Variants in GALNT18 observed in about 807,000 individuals in gnomAD.
The protein encoded by GALNT18 is GalNAc-transferase 18.
Under a neutral mutation model 69.5 loss-of-function variants are expected in GALNT18, and 44 were observed. That is an observed-to-expected ratio of 0.63 (90% CI 0.50 to 0.81). The LOEUF is 0.81. Ranked by LOEUF, GALNT18 falls within the 40% of genes least tolerant of loss-of-function variation. GALNT18 has a pLI of 0.00. For synonymous variants in GALNT18, 364 were observed against 318.2 expected (o/e 1.14, Z -1.53); for missense variants, 715 against 810.0 (o/e 0.88, Z 1.42).
At chr11:11,539,440 C>G (rs1857860161) in intron 1 of GALNT18, among the ~76,000 whole-genome samples, 1 of 152,218 alleles carries the variant, frequency 6.6e-6, no homozygotes, top group Non-Finnish European at 1.5e-5. Flanking sequence ...CCTGGCCACC[C>G]TTCCAGAGAG....
At chr11:11,313,899 A>G (rs919990067) in intron 9 of GALNT18, among the ~76,000 whole-genome samples, 39 of 152,194 alleles carry the variant, frequency 2.6e-4, no homozygotes, top group South Asian at 2.1e-4. Flanking sequence ...TTTAATAATC[A>G]TGAATGTTTG....
rs1856945682 is a variant in GALNT18 at position 11,500,157 on chromosome 11, A to C, written c.236-51221T>G. Among the ~76,000 whole-genome samples the C allele has an allele frequency of 6.6e-6, 1 of 152,190 alleles. No individual in the cohort carries two copies. The highest frequency in any genetic ancestry group is 6.5e-5 in the Admixed American group (1 of 15,276). On this transcript the variant is annotated intron_variant, in intron 1 of 10. Transcript: ENST00000227756. The surrounding 1 kb of genome is among the most constrained non-coding windows in gnomAD (Gnocchi z 5.0). Reference sequence around the variant, plus strand: ...GACTTAATTAGCAACCTCAAATAGGATCTCAAAGCAAGTGATAAGGAAATA... The same window carrying C: ...GACTTAATTAGCAACCTCAAATAGGCTCTCAAAGCAAGTGATAAGGAAATA...
chr11:11,327,043 T>C, intron 9 of GALNT18, 43 bp downstream of exon 9: 1 of 1,380,326 alleles, frequency 7.2e-7, no homozygotes, highest in Non-Finnish European at 1.0e-6. Flanking sequence ...TGCCAGGCAC[T>C]CATATGCACA....
At chr11:11,569,987 G>A (rs138157605) in intron 1 of GALNT18, 3 of 152,214 alleles carry the variant, frequency 2.0e-5, no homozygotes, top group African/African-American at 7.2e-5. Flanking sequence ...GTGAGGGAGT[G>A]TGGCTTGGAC....
chr11:11,371,099 A>G (rs979120650), intron 6 of GALNT18, among the ~76,000 whole-genome samples: 3 of 152,212 alleles, frequency 2.0e-5, no homozygotes, highest in Admixed American at 2.0e-4. Flanking sequence ...TCAGGGTTTC[A>G]ATGAATACAG....
rs145802485 is a variant in GALNT18, at chr11:11,496,805, A to G, written c.236-47869T>C. The stretch of plus-strand genomic sequence containing the variant: ...CCCCCTCCATTTCTGGGTCTCTCCA[A>G]TGGCCTCCCACCTAATCAACCACTT... On this transcript the variant is annotated intron_variant, in intron 1 of 10. Coordinates refer to ENST00000227756, the MANE Select transcript of GALNT18 (RefSeq NM_198516.3). The surrounding 1 kb of genome is among the most constrained non-coding windows in gnomAD (Gnocchi z 4.0). 6.2e-3 allele frequency among the ~76,000 whole-genome samples: 948 copies of G among 152,176 alleles called. 2 individuals carry two copies. Among genetic ancestry groups the G allele is most frequent in the Non-Finnish European group, 9.7e-3 (660 of 67,998 alleles).
chr11:11,343,631 A>G (rs1187366768), intron 6 of GALNT18, among the ~76,000 whole-genome samples: 1 of 152,222 alleles, frequency 6.6e-6, no homozygotes, highest in Non-Finnish European at 1.5e-5. Flanking sequence ...CACTTTGCTC[A>G]GGTTCTCTAT....
chr11:11,571,335 G>A (rs536711659), intron 1 of GALNT18, among the ~76,000 whole-genome samples: 1 of 152,218 alleles, frequency 6.6e-6, no homozygotes, highest in African/African-American at 2.4e-5. Flanking sequence ...ACTTTGTGTG[G>A]TGGAAACAGA....
rs1011149499 is a variant in GALNT18, at chr11:11,337,481, C to T, written c.1278+3338G>A. ...GGTAATCTGTGGGGGTGGAACCCAA[C>T]TGATTTTGAAGTTCAGCCAGATTTG... On this transcript the variant is annotated intron_variant, in intron 7 of 10. Transcript: ENST00000227756. This position sits in a 1 kb window ranked among gnomAD's most constrained non-coding sequence, Gnocchi z 4.9. Among the ~76,000 whole-genome samples, 4 of 152,240 alleles carry T rather than the reference C, an allele frequency of 2.6e-5. No homozygotes were observed. In the South Asian group the frequency reaches 8.3e-4, roughly 32 times the overall value.
chr11:11,414,460 G>A (rs1221760389), intron 3 of GALNT18, among the ~76,000 whole-genome samples: 2 of 152,124 alleles, frequency 1.3e-5, no homozygotes, highest in Non-Finnish European at 2.9e-5. Context: ...CTGCCTCAGG[G>A]CCTTTGCATG....
intron 10 of GALNT18, among the ~76,000 whole-genome samples, chr11:11,273,526 C>G (rs150676755): frequency 1.3e-5 from 2 of 151,952 alleles, no homozygotes; most frequent in Non-Finnish European, 2.9e-5. Context: ...TGGCTTTAAC[C>G]GAAAGACAGG....
At chr11:11,329,896 T>C (rs1186420366) in intron 8 of GALNT18, among the ~76,000 whole-genome samples, 1 of 152,216 alleles carries the variant, frequency 6.6e-6, no homozygotes, top group African/African-American at 2.4e-5. Flanking sequence ...GGCTGTAACA[T>C]ATGCCCTATG....
chr11:11,298,950 C>T (rs76163996), intron 9 of GALNT18, among the ~76,000 whole-genome samples: 4,961 of 152,148 alleles, frequency 0.033, 284 homozygotes, highest in African/African-American at 0.11. Context: ...TCCTGCCTCC[C>T]GCCTCCAACC....
At position 11,404,125 on chromosome 11, in the gene GALNT18, G is replaced by A. The variant is rs1021429494; in HGVS notation, c.596-24861C>T. Among the ~76,000 whole-genome samples, 7 of 152,242 alleles carry A rather than the reference G, an allele frequency of 4.6e-5. No individual in the cohort carries two copies. The highest frequency in any genetic ancestry group is 1.7e-4 in the African/African-American group (7 of 41,472). On this transcript the variant is annotated intron_variant, in intron 3 of 10. Coordinates refer to ENST00000227756, the MANE Select transcript of GALNT18 (RefSeq NM_198516.3). The surrounding 1 kb of genome is among the most constrained non-coding windows in gnomAD (Gnocchi z 4.5). Reference sequence around the variant, plus strand: ...GGCAGCAGGAGGAGAGCATTCCCATGTCTCATGGGCTCCCCATGAAACGGG... The same window carrying A: ...GGCAGCAGGAGGAGAGCATTCCCATATCTCATGGGCTCCCCATGAAACGGG...
chr11:11,568,912 T>C (rs967569907), intron 1 of GALNT18, among the ~76,000 whole-genome samples: 1 of 152,208 alleles, frequency 6.6e-6, no homozygotes, highest in African/African-American at 2.4e-5. Flanking sequence ...TCTGTTTTGA[T>C]CTACTGTACA....
In GALNT18 at chr11:11,332,637, C is replaced by G. The variant is rs1408683674; in HGVS notation, c.1416+57G>C. ...GCTCTTTCCCTCCTCTCCCTTTCTTCACTATGTTTCTTTCTGTCTGTGTCT... is the reference window on the plus strand; with the variant it reads ...GCTCTTTCCCTCCTCTCCCTTTCTTGACTATGTTTCTTTCTGTCTGTGTCT... On this transcript the variant is annotated intron_variant, in intron 8 of 10. Coordinates refer to ENST00000227756, the MANE Select transcript of GALNT18 (RefSeq NM_198516.3). This position sits in a 1 kb window ranked among gnomAD's most constrained non-coding sequence, Gnocchi z 4.3. The G allele has an allele frequency of 6.3e-7, 1 of 1,593,486 alleles. No homozygotes were observed. The highest frequency in any genetic ancestry group is 8.6e-7 in the Non-Finnish European group (1 of 1,162,908).
At chr11:11,488,379 G>T (rs916673217) in intron 1 of GALNT18, among the ~76,000 whole-genome samples, 1 of 151,772 alleles carries the variant, frequency 6.6e-6, no homozygotes, top group African/African-American at 2.4e-5. Context: ...AATCCTTCTC[G>T]CATTGAATCA....
At chr11:11,380,109 T>C (rs1023341114) in intron 3 of GALNT18, among the ~76,000 whole-genome samples, 10 of 152,238 alleles carry the variant, frequency 6.6e-5, no homozygotes, top group African/African-American at 2.4e-4. Context: ...TGAGTGATCA[T>C]GCAGCCCCTG....
In GALNT18 at chr11:11,340,739, A is replaced by G; in HGVS notation, c.1278+80T>C. 3 of 1,343,574 alleles carry G rather than the reference A, an allele frequency of 2.2e-6. No individual in the cohort carries two copies. The highest frequency in any genetic ancestry group is 3.1e-6 in the Non-Finnish European group (3 of 977,782). 83.2% of individuals were successfully genotyped at this position (1,343,574 alleles called of 1,614,324 possible). A position where few individuals can be genotyped will look rare whatever the true frequency, so the allele number is the denominator to read the frequency against. On this transcript the variant is annotated intron_variant, in intron 7 of 10. Transcript: ENST00000227756. This position sits in a 1 kb window ranked among gnomAD's most constrained non-coding sequence, Gnocchi z 4.2. ...AACAGGACTCTGGCTGACCCATAGG[A>G]AGAAGGGTTCGGTCCCATATCTTGT... is the stretch of plus-strand genomic sequence containing the variant.
Sources: allele counts gnomAD v4.1 joint callset (sites outside exome capture counted in the v4.1 genomes callset), GRCh38; gene constraint gnomAD v4.1.1; non-coding constraint Gnocchi (gnomAD v3.1); transcripts MANE v1.5; gene names NCBI Gene and HGNC (gene_info 2026-07-23, HGNC 2026-07-21).